ATP9B: variants seen among roughly 807,000 people sequenced by gnomAD.
The protein encoded by ATP9B is ATPase phospholipid transporting 9B.
ATP9B carries 110 observed loss-of-function variants against 146.1 expected under a neutral mutation model. The observed-to-expected ratio is 0.75, with a 90% CI of 0.65 to 0.88. The LOEUF (loss-of-function observed/expected upper bound fraction) is 0.88. ATP9B is among the 40% of genes least tolerant of loss of function. The pLI is 0.00. For missense variants in ATP9B, 1,499 were observed against 1,496.4 expected (o/e 1.00, Z -0.03); for synonymous variants, 604 against 569.7 (o/e 1.06, Z -0.86).
chr18:79,107,716 T>C (rs922421772), intron 2 of ATP9B, among the ~76,000 whole-genome samples: 1 of 152,208 alleles, frequency 6.6e-6, no homozygotes, highest in Non-Finnish European at 1.5e-5. Flanking sequence ...TTCATTTTTT[T>C]CCCATCATCT....
intron 19 of ATP9B, among the ~76,000 whole-genome samples, chr18:79,337,973 AG>A (rs545039272): frequency 2.0e-5 from 3 of 152,140 alleles, no homozygotes; most frequent in Admixed American, 1.3e-4. Flanking sequence ...CTGTGAGCAC[AG>A]GGTACGTCCA....
intron 8 of ATP9B, among the ~76,000 whole-genome samples, chr18:79,183,578 A>G (rs2095273745): frequency 6.6e-6 from 1 of 152,086 alleles, no homozygotes; most frequent in Non-Finnish European, 1.5e-5. Flanking sequence ...TACTTCGTTT[A>G]TAGTTTCTGT....
chr18:79,124,827 G>A (rs1344072831), intron 4 of ATP9B, among the ~76,000 whole-genome samples: 1 of 152,198 alleles, frequency 6.6e-6, no homozygotes, highest in African/African-American at 2.4e-5. Context: ...AGGAAGCACA[G>A]TTAGCAGTTG....
At position 79,374,067 on chromosome 18, in the gene ATP9B, C is replaced by T. The variant is rs181592531; in HGVS notation, c.3240C>T (p.Tyr1080=). The T allele has an allele frequency of 1.9e-4, 306 of 1,614,214 alleles. 1 individual carries two copies. The East Asian group carries it at 2.9e-3, about 16-fold the overall frequency. Residue 1080 remains tyrosine, a synonymous_variant, in exon 28 of 30, where the codon TAC becomes TAT. Transcript: ENST00000426216. ...CCGAGTTCCTCAGCTTAGGCTGCTA[C>T]GTGTCCTCACTCGCTTTTCTCAATG... ...VVAEFLSLGC[Y]VSSLAFLNEY... is the part of the protein sequence containing the mutation.
Position 79,303,640 on chromosome 18 carries a change from T to G in ATP9B, c.1448T>G (p.Leu483Arg), listed in dbSNP as rs2096605416. ...CAGAATGAAATGATATTTAAGCGGC[T>G]GCACCTGGGCACCGTGTCCTATGGC... ...LTQNEMIFKR[L>R]HLGTVSYGAD... is the part of the protein sequence containing the mutation. The change falls in exon 14 of 30, where the codon CTG becomes CGG. Residue 483 changes from leucine (L) to arginine (R), a missense_variant. By Grantham distance (102) the Leu-to-Arg change is moderately radical. Transcript: ENST00000426216. 1 of 1,613,944 alleles carries G rather than the reference T, an allele frequency of 6.2e-7. No homozygotes were observed.
At chr18:79,271,114 G>A (rs928171891) in intron 12 of ATP9B, among the ~76,000 whole-genome samples, 4 of 152,110 alleles carry the variant, frequency 2.6e-5, no homozygotes, top group African/African-American at 4.8e-5. Flanking sequence ...TTACTCTTCC[G>A]AAAACACCAC....
intron 1 of ATP9B, among the ~76,000 whole-genome samples, chr18:79,071,049 C>CTTGTTTCTT (rs1555723403): frequency 1.8e-5 from 2 of 112,396 alleles, no homozygotes; most frequent in Non-Finnish European, 3.6e-5. Flanking sequence ...ATTCCTGTTT[C>CTTGTTTCTT]TTTTTTTTTT....
chr18:79,343,967 C>T, intron 20 of ATP9B: 1 of 468,082 alleles, frequency 2.1e-6, no homozygotes, highest in East Asian at 4.3e-5. Flanking sequence ...AACTCATAGG[C>T]ACCCTTTACA....
chr18:79,143,689 T>G, intron 5 of ATP9B, 113 bp from the exon 6 acceptor site: 2 of 646,928 alleles, frequency 3.1e-6, no homozygotes, highest in Non-Finnish European at 5.0e-6. Flanking sequence ...TAGGGAAATT[T>G]CTAAAGTTTT....
intron 11 of ATP9B, among the ~76,000 whole-genome samples, chr18:79,226,630 T>C (rs568345109): frequency 1.3e-5 from 2 of 152,300 alleles, no homozygotes; most frequent in African/African-American, 4.8e-5. Context: ...GCAGGAGCTG[T>C]GCCTTCCCCC....
At chr18:79,246,775 C>CGACTCTGAGACAGAT (rs890743924) in intron 11 of ATP9B, among the ~76,000 whole-genome samples, 2 of 152,278 alleles carry the variant, frequency 1.3e-5, no homozygotes, top group East Asian at 1.9e-4. Flanking sequence ...GGTGTGAGTA[C>CGACTCTGAGACAGAT]GACTCTGAGA....
intron 13 of ATP9B, among the ~76,000 whole-genome samples, chr18:79,300,533 G>A (rs532743970): frequency 1.3e-4 from 20 of 152,254 alleles, no homozygotes; most frequent in African/African-American, 3.9e-4. Flanking sequence ...GCTGTGGGTC[G>A]CATGTGGGTT....
At chr18:79,129,042 C>T (rs1482214832) in intron 5 of ATP9B, among the ~76,000 whole-genome samples, 1 of 152,142 alleles carries the variant, frequency 6.6e-6, no homozygotes. Flanking sequence ...TCTAACCAGT[C>T]GGGGGACTGC....
chr18:79,314,868 A>G (rs751373503), intron 15 of ATP9B, among the ~76,000 whole-genome samples: 15 of 152,226 alleles, frequency 9.9e-5, no homozygotes, highest in Non-Finnish European at 1.9e-4. Flanking sequence ...GCCCTCGGAG[A>G]AGGACAGAAG....
In ATP9B at chr18:79,223,101, G is replaced by A. The variant is rs182846773; in HGVS notation, c.1107+9063G>A. ...AAAAGATGCTTTCAGATGTCTCATT[G>A]GCAGAGAGATAGGTGACATGAGCCA... On this transcript the variant is annotated intron_variant, in intron 11 of 29. Transcript: ENST00000426216. 7.9e-5 allele frequency among the ~76,000 whole-genome samples: 12 copies of A among 152,224 alleles called. No homozygotes were observed. The East Asian group carries it at 1.5e-3, about 20-fold the overall frequency.
chr18:79,164,332 C>T (rs2147786283), intron 7 of ATP9B, among the ~76,000 whole-genome samples: 1 of 152,160 alleles, frequency 6.6e-6, no homozygotes, highest in African/African-American at 2.4e-5. Flanking sequence ...CTTTTTGTGC[C>T]TTAGACAGGT....
At chr18:79,267,719 C>G (rs968998439) in intron 12 of ATP9B, among the ~76,000 whole-genome samples, 2 of 151,844 alleles carry the variant, frequency 1.3e-5, no homozygotes, top group African/African-American at 4.8e-5. Context: ...GAGAACATAC[C>G]TTTTTAACTT....
intron 1 of ATP9B, among the ~76,000 whole-genome samples, chr18:79,095,104 A>G (rs1020527801): frequency 6.6e-6 from 1 of 152,204 alleles, no homozygotes; most frequent in African/African-American, 2.4e-5. Flanking sequence ...CTTTAGCAGA[A>G]TGTGCTATAA....
At chr18:79,187,725 T>G (rs116397800) in intron 8 of ATP9B, among the ~76,000 whole-genome samples, 4 of 152,224 alleles carry the variant, frequency 2.6e-5, no homozygotes, top group African/African-American at 9.6e-5. Flanking sequence ...CCCTTTAGCA[T>G]TGCTGTTATA....
Sources: gnomAD v4.1 joint callset for allele counts (sites outside exome capture counted in the v4.1 genomes callset) on GRCh38, gnomAD v4.1.1 for gene constraint, MANE v1.5 for transcripts, NCBI Gene and HGNC (gene_info 2026-07-23, HGNC 2026-07-21) for gene names.